Variants in SOX5 observed in about 807,000 individuals in gnomAD.
SOX5 encodes the protein transcription factor SOX-5.
SOX5 carries 9 observed loss-of-function variants against 92.0 expected under a neutral mutation model. The ratio of observed to expected loss-of-function variants is 0.10; its 90% confidence interval spans 0.06 to 0.17. The LOEUF is 0.17. Among genes scored for constraint, SOX5 ranks in the 10% least tolerant of loss-of-function variants. The pLI is 1.00. For missense variants in SOX5, 642 were observed against 944.5 expected (o/e 0.68, Z 4.20); for synonymous variants, 344 against 336.3 (o/e 1.02, Z -0.25).
At chr12:23,603,070 G>T (rs73091306) in intron 9 of SOX5, among the ~76,000 whole-genome samples, 13,492 of 151,928 alleles carry the variant, frequency 0.089, 790 homozygotes, top group Non-Finnish European at 0.13. Flanking sequence ...TAAGGTCCTT[G>T]TCCAGGTTAA....
At chr12:23,682,515 T>C (rs2086788537) in intron 6 of SOX5, among the ~76,000 whole-genome samples, 1 of 151,810 alleles carries the variant, frequency 6.6e-6, no homozygotes, top group African/African-American at 2.4e-5. Context: ...GTGTGGGTGG[T>C]TGGCAGGAAT....
intron 4 of SOX5, among the ~76,000 whole-genome samples, chr12:24,066,215 G>A (rs1032401716): frequency 6.6e-6 from 1 of 152,204 alleles, no homozygotes; most frequent in African/African-American, 2.4e-5. Context: ...ATAGAAGGCT[G>A]ATACATGCAT....
At chr12:23,927,571 T>C (rs915522789) in intron 1 of SOX5, among the ~76,000 whole-genome samples, 5 of 152,046 alleles carry the variant, frequency 3.3e-5, no homozygotes, top group Non-Finnish European at 5.9e-5. Flanking sequence ...TCATGACCAA[T>C]AGTTATTTCA....
chr12:24,487,103 C>T (rs1049642456), intron 1 of SOX5, among the ~76,000 whole-genome samples: 1 of 152,148 alleles, frequency 6.6e-6, no homozygotes, highest in Non-Finnish European at 1.5e-5. Flanking sequence ...TCCACGGAGC[C>T]AGTGTTCTCT....
intron 2 of SOX5, among the ~76,000 whole-genome samples, chr12:23,855,703 T>C (rs2096679884): frequency 6.6e-6 from 1 of 152,106 alleles, no homozygotes; most frequent in South Asian, 2.1e-4. Flanking sequence ...TACTATCAAG[T>C]ACAAATTCTC....
At chr12:23,816,368 C>G (rs921748438) in intron 3 of SOX5, among the ~76,000 whole-genome samples, 3 of 151,888 alleles carry the variant, frequency 2.0e-5, no homozygotes, top group African/African-American at 7.3e-5. Flanking sequence ...CACCACGATG[C>G]CCGGCTAATT....
At chr12:24,224,722 A>C (rs1000956140) in intron 3 of SOX5, among the ~76,000 whole-genome samples, 3 of 152,132 alleles carry the variant, frequency 2.0e-5, no homozygotes, top group Non-Finnish European at 4.4e-5. Flanking sequence ...GGGAGTATTT[A>C]TATCTCATAG....
chr12:24,094,744 G>A (rs188797743), intron 4 of SOX5, among the ~76,000 whole-genome samples: 33 of 151,974 alleles, frequency 2.2e-4, no homozygotes, highest in Non-Finnish European at 3.8e-4. Flanking sequence ...TTTCCCCACC[G>A]GCTTTTAATG....
chr12:23,899,042 A>G (rs1422493652), intron 1 of SOX5, among the ~76,000 whole-genome samples: 1 of 152,190 alleles, frequency 6.6e-6, no homozygotes, highest in Non-Finnish European at 1.5e-5. Context: ...AAAATCACCA[A>G]TAACATTAGA....
chr12:23,950,611 T>G (rs979354318), upstream of SOX5, among the ~76,000 whole-genome samples: 2 of 152,204 alleles, frequency 1.3e-5, no homozygotes, highest in Non-Finnish European at 2.9e-5. Flanking sequence ...ACTGTCCTGT[T>G]TGGGATCGCT....
At chr12:23,835,733 T>C (rs567453433) in intron 3 of SOX5, among the ~76,000 whole-genome samples, 4 of 151,938 alleles carry the variant, frequency 2.6e-5, no homozygotes, top group South Asian at 4.1e-4. Flanking sequence ...GAAATGATAA[T>C]AGTAAATGAT....
At chr12:24,372,737 C>G (rs1956863551) in intron 1 of SOX5, among the ~76,000 whole-genome samples, 1 of 152,298 alleles carries the variant, frequency 6.6e-6, no homozygotes, top group South Asian at 2.1e-4. Flanking sequence ...CTAATTTACA[C>G]TCCCACCAAC....
At chr12:24,292,500 ACT>A (rs991061979) in intron 2 of SOX5, among the ~76,000 whole-genome samples, 3 of 152,224 alleles carry the variant, frequency 2.0e-5, no homozygotes, top group Non-Finnish European at 4.4e-5. Flanking sequence ...CAAAATGAGA[ACT>A]CATTAGGGGA....
At chr12:23,934,050 T>A (rs1413200453) in intron 1 of SOX5, among the ~76,000 whole-genome samples, 2 of 151,566 alleles carry the variant, frequency 1.3e-5, no homozygotes, top group Admixed American at 6.6e-5. Context: ...AAGTTAGTTA[T>A]CATTCAATAT....
chr12:24,281,839 G>T (rs1024348779), intron 2 of SOX5, among the ~76,000 whole-genome samples: 1 of 152,114 alleles, frequency 6.6e-6, no homozygotes, highest in Non-Finnish European at 1.5e-5. Context: ...TCTTGACACA[G>T]AACAGCTAGC....
At chr12:23,646,902 A>T (rs533837925) in intron 7 of SOX5, among the ~76,000 whole-genome samples, 7 of 152,300 alleles carry the variant, frequency 4.6e-5, no homozygotes, top group Admixed American at 2.6e-4. Flanking sequence ...CAAGGGGGGT[A>T]AAATCAAATT....
At chr12:24,475,147 G>C (rs1398133193) in intron 1 of SOX5, among the ~76,000 whole-genome samples, 1 of 152,096 alleles carries the variant, frequency 6.6e-6, no homozygotes, top group Non-Finnish European at 1.5e-5. Context: ...CCCTTAATGA[G>C]AATTCTCTAT....
At chr12:24,490,409 C>T (rs1269052703) in intron 1 of SOX5, among the ~76,000 whole-genome samples, 1 of 152,172 alleles carries the variant, frequency 6.6e-6, no homozygotes, top group Admixed American at 6.5e-5. Flanking sequence ...CTTTTCATAT[C>T]ATTTTCCTTC....
intron 4 of SOX5, among the ~76,000 whole-genome samples, chr12:24,166,353 ACCT>A (rs1953405522): frequency 6.6e-6 from 1 of 152,118 alleles, no homozygotes; most frequent in African/African-American, 2.4e-5. Flanking sequence ...GAATATACAG[ACCT>A]CCCGTTCAAG....
Sources: gnomAD v4.1 joint callset for allele counts (sites outside exome capture counted in the v4.1 genomes callset) on GRCh38, gnomAD v4.1.1 for gene constraint, MANE v1.5 for transcripts, NCBI Gene and HGNC (gene_info 2026-07-23, HGNC 2026-07-21) for gene names.